CCAR2: variants seen among roughly 807,000 people sequenced by gnomAD.
The protein encoded by CCAR2 is cell cycle and apoptosis regulator 2, also known as cell cycle and apoptosis regulator protein 2.
Under a neutral mutation model 108.1 loss-of-function variants are expected in CCAR2, and 21 were observed. The ratio of observed to expected loss-of-function variants is 0.19; its 90% CI spans 0.14 to 0.28. The LOEUF (loss-of-function observed/expected upper bound fraction) is 0.28. CCAR2 is among the 10% of genes least tolerant of loss of function. The pLI, the probability that CCAR2 is intolerant of heterozygous loss-of-function variation, is 1.00. For missense variants in CCAR2, 1,126 were observed against 1,177.0 expected (o/e 0.96, Z 0.63); for synonymous variants, 577 against 472.8 (o/e 1.22, Z -2.86).
intron 4 of CCAR2, 37 bp from the exon 5 acceptor site, chr8:22,606,873 C>G (rs773144986): frequency 6.2e-7 from 1 of 1,606,450 alleles, no homozygotes; most frequent in South Asian, 1.1e-5. Context: ...GCCAGGGTCC[C>G]TCTTCTGATG....
intron 4 of CCAR2, 77 bp downstream of exon 4, chr8:22,606,775 C>T (rs938777847): frequency 9.3e-5 from 136 of 1,459,226 alleles, no homozygotes; most frequent in Non-Finnish European, 1.1e-4. Flanking sequence ...TGCCCCCACC[C>T]GCCTCAAAGC....
At chr8:22,618,055 G>C in intron 16 of CCAR2, 1 of 590,964 alleles carries the variant, frequency 1.7e-6, no homozygotes, top group Non-Finnish European at 3.0e-6. Flanking sequence ...GCTGGCTTGG[G>C]CGTGATGAAC....
intron 7 of CCAR2, among the ~76,000 whole-genome samples, chr8:22,611,584 C>T (rs1248717944): frequency 6.6e-6 from 1 of 152,010 alleles, no homozygotes; most frequent in Non-Finnish European, 1.5e-5. Flanking sequence ...TCTTGCCACT[C>T]TTTTCTCCTG....
intron 7 of CCAR2, among the ~76,000 whole-genome samples, chr8:22,608,778 T>G (rs1336172235): frequency 6.6e-6 from 1 of 152,284 alleles, no homozygotes; most frequent in Non-Finnish European, 1.5e-5. Context: ...AGACTCGTTC[T>G]AGTTCTGTCT....
At position 22,616,069 on chromosome 8, in the gene CCAR2, G is replaced by A. The variant is rs1801494446; in HGVS notation, c.1666G>A (p.Val556Ile). ...EMLQRDFGYR[V>I]YKMLLSLPEK... ...GCTCCAGAGGGATTTTGGCTATAGAGTTTATAAGATGCTACTGAGCCTTCC... is the reference window on the plus strand; with the variant it reads ...GCTCCAGAGGGATTTTGGCTATAGAATTTATAAGATGCTACTGAGCCTTCC... Residue 556 changes from valine (V) to isoleucine (I), a missense_variant, in exon 14 of 21, where the codon GTT becomes ATT. Physicochemically the swap from Val to Ile is conservative, Grantham distance 29. Transcript: ENST00000308511. 2 of 1,614,022 alleles carry A rather than the reference G, an allele frequency of 1.2e-6. No individual in the cohort carries two copies. The highest frequency in any genetic ancestry group is 2.2e-5 in the South Asian group (2 of 91,072).
intron 7 of CCAR2, among the ~76,000 whole-genome samples, chr8:22,610,225 C>CT (rs1337668629): frequency 3.3e-5 from 5 of 152,114 alleles, no homozygotes; most frequent in African/African-American, 1.2e-4. Flanking sequence ...GGGGCAGCAA[C>CT]TTTTATTTAT....
At position 22,618,439 on chromosome 8, in the gene CCAR2, C is replaced by T. The variant is rs200732281; in HGVS notation, c.2164C>T (p.Arg722Trp). Reference sequence around the variant, plus strand: ...TGCCAACTGGTGTGGCTACTTGCACCGGCGAGACTTAGAGAGGATCCTCCT... The same window carrying T: ...TGCCAACTGGTGTGGCTACTTGCACTGGCGAGACTTAGAGAGGATCCTCCT... ...FDANWCGYLH[R>W]RDLERILLTL... Residue 722 changes from arginine (R) to tryptophan (W), a missense_variant, in exon 17 of 21, where the codon CGG (arginine) becomes TGG (tryptophan). Around this residue, in one of 4 missense-constraint regions of CCAR2, gnomAD observed 1,013 missense variants for 993.9 expected, o/e 1.02. Transcript: ENST00000308511. 2.5e-6 allele frequency: 4 copies of T among 1,614,222 alleles called. No individual in the cohort carries two copies. Among genetic ancestry groups the T allele is most frequent in the Non-Finnish European group, 3.4e-6 (4 of 1,180,056 alleles).
chr8:22,611,717 C>G (rs1426127412), intron 7 of CCAR2, among the ~76,000 whole-genome samples: 1 of 152,032 alleles, frequency 6.6e-6, no homozygotes, highest in African/African-American at 2.4e-5. Flanking sequence ...GTTTTAATGG[C>G]TGCGTGATTG....
At chr8:22,621,314 C>T (rs549133253), downstream of CCAR2, 16 of 1,415,350 alleles carry the variant, frequency 1.1e-5, no homozygotes, top group East Asian at 2.3e-4. Flanking sequence ...GGCAAGTGAA[C>T]CAGGGCCACC....
intron 14 of CCAR2, 149 bp from the exon 15 acceptor site, chr8:22,617,267 TAATG>T (rs1801561368): frequency 1.1e-6 from 1 of 889,092 alleles, no homozygotes; most frequent in Admixed American, 2.8e-5. Flanking sequence ...GAATCCCACT[TAATG>T]AAATTAAATA....
At chr8:22,614,711 G>C (rs1801427815) in intron 10 of CCAR2, 127 bp from the exon 11 acceptor site, 2 of 898,358 alleles carry the variant, frequency 2.2e-6, no homozygotes, top group Non-Finnish European at 1.7e-6. Context: ...TGCAGATAGA[G>C]ACCTCACTGT....
Position 22,618,614 on chromosome 8 carries a change from C to T in CCAR2, c.2221-3C>T, listed in dbSNP as rs1157006245. On this transcript the variant is annotated splice_polypyrimidine_tract_variant and splice_region_variant and intron_variant, in intron 17 of 20. Transcript: ENST00000308511. ...TTCTGATCAGCAGATGTGTTTTCTG[C>T]AGGCCAAGCAGCTGGTCAGCAGGGT... 6.2e-7 allele frequency: 1 copy of T among 1,614,084 alleles called. No homozygotes were observed. The highest frequency in any genetic ancestry group is 1.1e-5 in the South Asian group (1 of 91,082).
chr8:22,618,043 A>C, intron 16 of CCAR2: 1 of 590,244 alleles, frequency 1.7e-6, no homozygotes, highest in Non-Finnish European at 3.0e-6. Flanking sequence ...CCAGAGAGGA[A>C]GGCTGGCTTG....
chr8:22,614,496 A>G lies in CCAR2; in HGVS notation c.1034A>G (p.Gln345Arg), dbSNP rs369130212. The stretch of plus-strand genomic sequence containing the variant: ...GAGACGCCAGAGCATCCTCTGAAGC[A>G]GATTAAGGTAAGAGCTGGAGAGCAG... ...PRETPEHPLK[Q>R]IKFLLGRKEE... Residue 345 changes from glutamine (Q) to arginine (R), a missense_variant, in exon 10 of 21, where the codon CAG (glutamine) becomes CGG (arginine). This residue lies in a region of CCAR2 where 1,013 missense variants were observed against 993.9 expected (regional missense o/e 1.02). Transcript: ENST00000308511. 5.6e-6 allele frequency: 9 copies of G among 1,613,752 alleles called. No homozygotes were observed. The highest frequency in any genetic ancestry group is 3.3e-4 in the Middle Eastern group (2 of 6,084).
chr8:22,607,868 C>A, intron 6 of CCAR2, 101 bp from the exon 7 acceptor site: 1 of 877,230 alleles, frequency 1.1e-6, no homozygotes, highest in Admixed American at 2.0e-5. Flanking sequence ...TCAAGTGATC[C>A]ATCTGCACTG....
intron 7 of CCAR2, among the ~76,000 whole-genome samples, chr8:22,611,810 C>T (rs763152206): frequency 6.6e-6 from 1 of 152,134 alleles, no homozygotes; most frequent in Non-Finnish European, 1.5e-5. Context: ...CATATTTTTC[C>T]ACTATGTGTA....
chr8:22,620,575 TGGGCCA>T (rs1563935022), downstream of CCAR2: 1 of 152,182 alleles, frequency 6.6e-6, no homozygotes, highest in Non-Finnish European at 1.5e-5. Flanking sequence ...CTCCAGAAGG[TGGGCCA>T]GGGCCGGGGA....
chr8:22,610,298 G>A (rs1801225971), intron 7 of CCAR2, among the ~76,000 whole-genome samples: 1 of 152,200 alleles, frequency 6.6e-6, no homozygotes, highest in Non-Finnish European at 1.5e-5. Context: ...TTGCATGGAA[G>A]CCAAGCTTTA....
chr8:22,611,458 GTGTA>G (rs1261300733), intron 7 of CCAR2, among the ~76,000 whole-genome samples: 1 of 150,864 alleles, frequency 6.6e-6, no homozygotes, highest in Non-Finnish European at 1.5e-5. Flanking sequence ...ATATGTGTGT[GTGTA>G]TATATATATG....
Sources: allele counts gnomAD v4.1 joint callset (sites outside exome capture counted in the v4.1 genomes callset), GRCh38; gene constraint gnomAD v4.1.1; regional missense constraint gnomAD v4.1.1; transcripts MANE v1.5; gene names NCBI Gene and HGNC (gene_info 2026-07-23, HGNC 2026-07-21).